INSL6: variants seen among roughly 807,000 people sequenced by gnomAD.
INSL6 encodes the protein insulin like 6.
INSL6 carries 16 observed loss-of-function variants against 9.4 expected under a neutral mutation model. That is an observed-to-expected ratio of 1.70 (90% CI 1.15 to 2.59). The LOEUF (loss-of-function observed/expected upper bound fraction) is 2.59, where lower values mean the gene tolerates loss of function less well. Ranked by LOEUF, INSL6 falls within the 30% of genes most tolerant of loss-of-function variation. The pLI, the probability that INSL6 is intolerant of heterozygous loss-of-function variation, is 0.00. For synonymous variants in INSL6, 154 were observed against 96.9 expected, an observed-to-expected ratio of 1.59 and a Z score of -3.46; for missense variants, 391 against 257.3, an observed-to-expected ratio of 1.52 and a Z score of -3.56.
the INSL6 span, among the ~76,000 whole-genome samples, chr9:5,102,687 CG>C: frequency 6.6e-6 from 1 of 152,180 alleles, no homozygotes; most frequent in African/African-American, 2.4e-5. Flanking sequence ...AGACTAACAG[CG>C]GATCTCTCAG....
the INSL6 span, among the ~76,000 whole-genome samples, chr9:5,003,230 T>A: frequency 6.6e-6 from 1 of 151,998 alleles, no homozygotes; most frequent in East Asian, 1.9e-4. Context: ...GACTTTAGGA[T>A]CAACTTGTAA....
chr9:5,141,362 CAT>C (rs1824494935), intron 2 of INSL6, among the ~76,000 whole-genome samples: 1 of 152,098 alleles, frequency 6.6e-6, no homozygotes, highest in African/African-American at 2.4e-5. Context: ...ACCTCACCAG[CAT>C]ATGTGTTTTG....
rs773257316 is a variant in INSL6, at chr9:5,185,631, T to C, written c.-29A>G. Reference sequence around the variant, plus strand: ...TGTGACCCCAGGCTAGTCCTCCGCGTTGTGCAATGGCGGTCGGCCGGACCC... The same window carrying C: ...TGTGACCCCAGGCTAGTCCTCCGCGCTGTGCAATGGCGGTCGGCCGGACCC... On this transcript the variant is annotated 5_prime_UTR_variant, in exon 1 of 2. Transcript: ENST00000381641. 1 of 1,596,714 alleles carries C rather than the reference T, an allele frequency of 6.3e-7. No homozygotes were observed.
chr9:5,185,553 A>T lies in INSL6; in HGVS notation c.50T>A (p.Val17Asp), dbSNP rs553705920. ...LSLLWLGLLLVRFSRELSDIS... is the reference protein window; with the variant it reads ...LSLLWLGLLLDRFSRELSDIS... The stretch of plus-strand genomic sequence containing the variant: ...GTCGCTCAGTTCACGAGAAAACCGA[A>T]CCAGCAGGAGTCCAAGCCACAGCAG... Residue 17 changes from valine (V) to aspartate (D), a missense_variant, in exon 1 of 2, where the codon GTT (valine) becomes GAT (aspartate). By Grantham distance (152) the Val-to-Asp change is radical. Coordinates refer to ENST00000381641, the MANE Select transcript of INSL6 (RefSeq NM_007179.3). The T allele has an allele frequency of 1.2e-6, 2 of 1,613,938 alleles. No individual in the cohort carries two copies. Among genetic ancestry groups the T allele is most frequent in the African/African-American group, 1.3e-5 (1 of 75,054 alleles).
the INSL6 span, among the ~76,000 whole-genome samples, chr9:5,064,630 G>A: frequency 6.6e-6 from 1 of 152,102 alleles, no homozygotes; most frequent in South Asian, 2.1e-4. Flanking sequence ...ATTAGTCTAA[G>A]AAGGACATTG....
chr9:5,154,935 G>A (rs557690142), intron 2 of INSL6, among the ~76,000 whole-genome samples: 1 of 152,056 alleles, frequency 6.6e-6, no homozygotes, highest in Non-Finnish European at 1.5e-5. Context: ...CAGGGATCCA[G>A]AACTAGAAAT....
the INSL6 span, among the ~76,000 whole-genome samples, chr9:5,077,278 C>G: frequency 4.0e-5 from 6 of 150,522 alleles, no homozygotes; most frequent in African/African-American, 1.5e-4. Context: ...TGTAAGTAAA[C>G]TAAAAACCAA....
rs550915336 is a variant in INSL6, at chr9:5,131,435, A to ATTTTTTTTTTTTTTTTTTTTTTTTT, written c.*10+1989_*10+1990insAAAAAAAAAAAAAAAAAAAAAAAAA. On this transcript the variant is annotated intron_variant, in intron 3 of 3. Coordinates refer to the INSL6 transcript ENST00000649639. ...AATTCTTTAACACCACCAGTTAACA[A>ATTTTTTTTTTTTTTTTTTTTTTTTT]TTTTTTTTTTTTTTTTTTTGAGACA... Among the ~76,000 whole-genome samples, 73 of 115,816 alleles carry ATTTTTTTTTTTTTTTTTTTTTTTTT rather than the reference A, an allele frequency of 6.3e-4. 6 individuals are homozygous for ATTTTTTTTTTTTTTTTTTTTTTTTT. The highest frequency in any genetic ancestry group is 2.7e-3 in the African/African-American group (68 of 24,940). The allele number at this position is 115,816 out of a possible 152,430, so 76.0% of individuals were successfully genotyped here. A position where few individuals can be genotyped will look rare whatever the true frequency, so the allele number is the denominator to read the frequency against.
the INSL6 span, among the ~76,000 whole-genome samples, chr9:5,052,150 A>G: frequency 6.6e-6 from 1 of 152,238 alleles, no homozygotes; most frequent in Admixed American, 6.5e-5. Context: ...TGTTATAAAT[A>G]TGAAGCCATC....
chr9:5,030,912 T>C, the INSL6 span, among the ~76,000 whole-genome samples: 2 of 152,008 alleles, frequency 1.3e-5, no homozygotes, highest in Non-Finnish European at 2.9e-5. Context: ...TTCAAAGAAA[T>C]AATAGATGTA....
the INSL6 span, among the ~76,000 whole-genome samples, chr9:5,062,118 C>G: frequency 6.6e-6 from 1 of 151,986 alleles, no homozygotes; most frequent in African/African-American, 2.4e-5. Context: ...TTGTGTGGGT[C>G]CACTTATATG....
the INSL6 span, chr9:5,086,031 G>T: frequency 1.3e-6 from 1 of 780,344 alleles, no homozygotes; most frequent in South Asian, 1.4e-5. Context: ...ATTTGGACAG[G>T]CAGGTGTTAA....
the INSL6 span, among the ~76,000 whole-genome samples, chr9:5,082,260 G>C: frequency 1.3e-5 from 2 of 152,328 alleles, no homozygotes; most frequent in South Asian, 2.1e-4. Context: ...CAGGAGAGCA[G>C]GGTGATAGTG....
chr9:5,139,436 A>C (rs1361334256), intron 2 of INSL6, among the ~76,000 whole-genome samples: 1 of 152,202 alleles, frequency 6.6e-6, no homozygotes, highest in Non-Finnish European at 1.5e-5. Context: ...GAAAGTTGAA[A>C]GTAAATGAAT....
At chr9:5,102,556 T>A in the INSL6 span, among the ~76,000 whole-genome samples, 2 of 151,974 alleles carry the variant, frequency 1.3e-5, no homozygotes, top group African/African-American at 4.8e-5. Context: ...ACAAAGATAC[T>A]CCTCGAGAAG....
At chr9:5,087,035 G>T in the INSL6 span, among the ~76,000 whole-genome samples, 2 of 152,004 alleles carry the variant, frequency 1.3e-5, no homozygotes, top group African/African-American at 2.4e-5. Context: ...AACACTAAAA[G>T]AAAAAAATCA....
At chr9:5,080,168 A>G in the INSL6 span, 12 of 1,241,972 alleles carry the variant, frequency 9.7e-6, no homozygotes, top group Middle Eastern at 3.9e-4. Flanking sequence ...AGCTATTTAC[A>G]TATAAAAGAT....
chr9:5,150,451 T>C (rs758149855), intron 2 of INSL6, among the ~76,000 whole-genome samples: 19 of 152,074 alleles, frequency 1.2e-4, no homozygotes, highest in Non-Finnish European at 2.6e-4. Flanking sequence ...ACATTTTTAA[T>C]GGTCAATACG....
rs1261099625 is a variant in INSL6 at position 5,163,937 on chromosome 9, T to A, written c.618A>T (p.Ser206=). The change falls in exon 2 of 2, where the codon TCA becomes TCT. Residue 206 remains serine (S), a synonymous_variant. Transcript: ENST00000381641. ...GTTAGTATATCTTAGTTACAAGTGA[T>A]GATCTTTTTTCCTTTAGCCTTTTAA... ...IDFKRLKEKR[S]SLVTKIY The A allele has an allele frequency of 1.1e-5, 17 of 1,603,914 alleles. No homozygotes were observed. The highest frequency in any genetic ancestry group is 1.4e-5 in the Non-Finnish European group (17 of 1,176,520).
Sources: allele counts gnomAD v4.1 joint callset (sites outside exome capture counted in the v4.1 genomes callset), GRCh38; gene constraint gnomAD v4.1.1; transcripts MANE v1.5; gene names NCBI Gene and HGNC (gene_info 2026-07-23, HGNC 2026-07-21).